Variants in NDST4 observed in about 807,000 individuals in gnomAD.
The protein encoded by NDST4 is N-heparan sulfate sulfotransferase 4.
A neutral mutation model predicts 100.8 loss-of-function variants in NDST4; 63 were observed. That is an observed-to-expected ratio of 0.62 (90% CI 0.51 to 0.77). The LOEUF (loss-of-function observed/expected upper bound fraction) is 0.77. Among genes scored for constraint, NDST4 ranks in the 30% least tolerant of loss-of-function variants. NDST4 has a pLI of 0.00. For synonymous variants in NDST4, 377 were observed against 361.8 expected, an observed-to-expected ratio of 1.04 and a Z score of -0.48; for missense variants, 943 against 1,018.4, an observed-to-expected ratio of 0.93 and a Z score of 1.01.
At chr4:115,077,907 T>C (rs774886406) in intron 1 of NDST4, among the ~76,000 whole-genome samples, 2 of 152,168 alleles carry the variant, frequency 1.3e-5, no homozygotes, top group African/African-American at 2.4e-5. Flanking sequence ...ATCTCGCTAA[T>C]GAAACAGAGG....
intron 5 of NDST4, among the ~76,000 whole-genome samples, chr4:114,936,552 C>T (rs1336503845): frequency 6.6e-6 from 1 of 152,140 alleles, no homozygotes; most frequent in East Asian, 1.9e-4. Context: ...ATGCTCTGAT[C>T]TTGGCAACTA....
intron 2 of NDST4, among the ~76,000 whole-genome samples, chr4:114,991,631 A>T (rs540628873): frequency 6.6e-6 from 1 of 152,050 alleles, no homozygotes. Flanking sequence ...TCTAGCCACA[A>T]GAGAAAAGCG....
rs73850741 is a variant in NDST4, at chr4:114,906,873, G to T, written c.1536+28333C>A. 8.7e-3 allele frequency among the ~76,000 whole-genome samples: 1,321 copies of T among 152,038 alleles called. 20 individuals carry two copies. Among genetic ancestry groups the T allele is most frequent in the African/African-American group, 0.03 (1,228 of 41,498 alleles). On this transcript the variant is annotated intron_variant, in intron 6 of 13. Coordinates refer to ENST00000264363, the MANE Select transcript of NDST4 (RefSeq NM_022569.3). ...TTATTTTTCACAATTAAGCCTGTTTGTCAAGATTGGACTCTTTTGCACATT... is the reference window on the plus strand; with the variant it reads ...TTATTTTTCACAATTAAGCCTGTTTTTCAAGATTGGACTCTTTTGCACATT...
At chr4:114,830,151 T>G (rs1263014930) in intron 12 of NDST4, among the ~76,000 whole-genome samples, 1 of 152,198 alleles carries the variant, frequency 6.6e-6, no homozygotes, top group Non-Finnish European at 1.5e-5. Flanking sequence ...CATTTTTAAC[T>G]TAAGTTCCTT....
chr4:114,988,352 CTTT>C (rs991019823), intron 2 of NDST4, among the ~76,000 whole-genome samples: 6 of 64,198 alleles, frequency 9.3e-5, no homozygotes, highest in East Asian at 5.7e-4. Flanking sequence ...ATACACATAT[CTTT>C]TTTTTTTTTT....
chr4:114,991,187 C>T (rs771286056), intron 2 of NDST4, among the ~76,000 whole-genome samples: 1 of 152,006 alleles, frequency 6.6e-6, no homozygotes. Flanking sequence ...CGATCAATCT[C>T]TCGAGACCAT....
chr4:115,005,950 TG>T (rs1197507532), intron 2 of NDST4, among the ~76,000 whole-genome samples: 1 of 148,894 alleles, frequency 6.7e-6, no homozygotes, highest in African/African-American at 2.5e-5. Flanking sequence ...GAGAATCGCT[TG>T]AACTCGGGAG....
chr4:115,006,356 T>C lies in NDST4; in HGVS notation c.979-29082A>G, dbSNP rs564829899. Among the ~76,000 whole-genome samples, 34 of 152,194 alleles carry C rather than the reference T, an allele frequency of 2.2e-4. No homozygotes were observed. In the South Asian group the frequency reaches 6.8e-3, roughly 31 times the overall value. ...ATGATGATCAAACAGATATCATTCA[T>C]TGCAGATGAATAGAAGCTGAATCAG... On this transcript the variant is annotated intron_variant, in intron 2 of 13. Transcript: ENST00000264363.
chr4:115,047,576 A>C (rs777109050), intron 2 of NDST4, among the ~76,000 whole-genome samples: 17 of 152,152 alleles, frequency 1.1e-4, no homozygotes, highest in Non-Finnish European at 2.4e-4. Context: ...CTATTTTACA[A>C]GATGCAACTT....
At chr4:114,925,422 T>A (rs2126220780) in intron 6 of NDST4, among the ~76,000 whole-genome samples, 1 of 152,306 alleles carries the variant, frequency 6.6e-6, no homozygotes, top group Admixed American at 6.5e-5. Flanking sequence ...CATGTGGATG[T>A]TATCCTGTGC....
chr4:114,847,355 GAC>G (rs1723572346), intron 9 of NDST4, among the ~76,000 whole-genome samples: 1 of 99,066 alleles, frequency 1.0e-5, no homozygotes, highest in Non-Finnish European at 1.7e-5. Context: ...CAGCCTGGGC[GAC>G]AGAGCGAGAC....
At chr4:115,005,700 G>C (rs966376005) in intron 2 of NDST4, among the ~76,000 whole-genome samples, 8 of 152,100 alleles carry the variant, frequency 5.3e-5, no homozygotes, top group Admixed American at 2.6e-4. Flanking sequence ...TAGAGGTGGT[G>C]ACCAAGAGAT....
At chr4:114,869,984 A>T (rs576650654) in intron 7 of NDST4, among the ~76,000 whole-genome samples, 43 of 152,274 alleles carry the variant, frequency 2.8e-4, no homozygotes, top group African/African-American at 8.9e-4. Context: ...TTTCTCATTA[A>T]TGGTGATGCT....
chr4:114,986,820 ATATATATATATATT>A (rs1227088279), intron 2 of NDST4, among the ~76,000 whole-genome samples: 20 of 82,870 alleles, frequency 2.4e-4, no homozygotes, highest in Admixed American at 1.8e-3. Flanking sequence ...ATATATATAT[ATATATATATATATT>A]TTAATATACT....
intron 1 of NDST4, among the ~76,000 whole-genome samples, chr4:115,080,890 CA>C (rs1403439804): frequency 6.6e-6 from 1 of 152,130 alleles, no homozygotes; most frequent in African/African-American, 2.4e-5. Context: ...TACCTACTTA[CA>C]TGCTTTGGAG....
chr4:114,977,354 C>T, intron 2 of NDST4, 80 bp from the exon 3 acceptor site: 3 of 867,180 alleles, frequency 3.5e-6, no homozygotes, highest in Non-Finnish European at 5.5e-6. Context: ...AATGTGTATG[C>T]ATGAGTAAAA....
At chr4:114,911,955 G>A (rs758395638) in intron 6 of NDST4, among the ~76,000 whole-genome samples, 31 of 152,118 alleles carry the variant, frequency 2.0e-4, no homozygotes, top group Non-Finnish European at 4.0e-4. Context: ...GCTGAGAGGG[G>A]GAAGTTTATA....
chr4:115,015,686 T>C (rs1195370758), intron 2 of NDST4, among the ~76,000 whole-genome samples: 1 of 152,036 alleles, frequency 6.6e-6, no homozygotes, highest in Non-Finnish European at 1.5e-5. Flanking sequence ...TAGTACTAAT[T>C]GTTCTATGAA....
At chr4:115,060,255 G>A (rs969354683) in intron 2 of NDST4, among the ~76,000 whole-genome samples, 1 of 151,862 alleles carries the variant, frequency 6.6e-6, no homozygotes, top group Non-Finnish European at 1.5e-5. Context: ...TGGGTTTTAG[G>A]GTGAGCAACT....
Sources: gnomAD v4.1 joint callset for allele counts (sites outside exome capture counted in the v4.1 genomes callset) on GRCh38, gnomAD v4.1.1 for gene constraint, MANE v1.5 for transcripts, NCBI Gene and HGNC (gene_info 2026-07-23, HGNC 2026-07-21) for gene names.